The following ZMYM1 variants were observed in gnomAD, a reference collection of about 807,000 sequenced individuals.
ZMYM1 encodes the protein zinc finger MYM-type containing 1, also known as zinc finger MYM-type protein 1.
Under a neutral mutation model 60.0 loss-of-function variants are expected in ZMYM1, and 39 were observed. That is an observed-to-expected ratio of 0.65 (90% CI 0.50 to 0.85). ZMYM1 has a LOEUF of 0.85. Ranked by LOEUF, ZMYM1 falls within the 40% of genes least tolerant of loss-of-function variation. ZMYM1 has a pLI of 0.00. For missense variants in ZMYM1, 1,171 were observed against 1,309.5 expected (o/e 0.89, Z 1.63); for synonymous variants, 413 against 454.0 (o/e 0.91, Z 1.15).
chr1:35,088,724 A>G (rs1454287316), intron 1 of ZMYM1, among the ~76,000 whole-genome samples: 1 of 151,188 alleles, frequency 6.6e-6, no homozygotes, highest in Non-Finnish European at 1.5e-5. Flanking sequence ...ATCTGTCACT[A>G]ATACATGTTT....
chr1:35,094,043 G>A lies in ZMYM1; in HGVS notation c.56G>A (p.Gly19Glu), dbSNP rs373863327. 37 of 1,610,622 alleles carry A rather than the reference G, an allele frequency of 2.3e-5. No homozygotes were observed. The East Asian group carries it at 4.7e-4, about 21-fold the overall frequency. The change falls in exon 2 of 10, where the codon GGG (glycine) becomes GAG (glutamate). Residue 19 changes from glycine to glutamate, a missense_variant. Transcript: ENST00000359858. The stretch of plus-strand genomic sequence containing the variant: ...GACAAGGCAGTGGCATCACAGCTGG[G>A]GCTGCTAGATGAAATTAAGACAGAA... ...ECDKAVASQL[G>E]LLDEIKTEPD... is the part of the protein sequence containing the mutation.
intron 6 of ZMYM1, among the ~76,000 whole-genome samples, chr1:35,109,654 A>G (rs78493352): frequency 5.9e-5 from 9 of 152,208 alleles, no homozygotes; most frequent in African/African-American, 2.2e-4. Flanking sequence ...CCAAGCTACC[A>G]TTGAGGACAG....
Position 35,112,113 on chromosome 1 carries a change from G to A in ZMYM1, c.1129G>A (p.Ala377Thr), listed in dbSNP as rs376515038. 34 of 1,613,392 alleles carry A rather than the reference G, an allele frequency of 2.1e-5. No homozygotes were observed. In the Middle Eastern group the frequency reaches 4.9e-4, roughly 23 times the overall value. The change falls in exon 9 of 10, where the codon GCA becomes ACA. Residue 377 changes from alanine to threonine, a missense_variant. Physicochemically the swap from Ala to Thr is moderately conservative, Grantham distance 58 (BLOSUM62 0). Coordinates refer to ENST00000359858, the MANE Select transcript of ZMYM1 (RefSeq NM_024772.5). ...QDTVSSVTAT[A>T]DVIVDLSKSS... is the part of the protein sequence containing the mutation. ...TACAGTTTCTTCAGTAACAGCAACA[G>A]CAGATGTCATTGTGGATGTAAGTTT... is the stretch of plus-strand genomic sequence containing the variant.
At chr1:35,102,254 G>A (rs1643698952) in intron 4 of ZMYM1, among the ~76,000 whole-genome samples, 1 of 151,882 alleles carries the variant, frequency 6.6e-6, no homozygotes, top group Non-Finnish European at 1.5e-5. Flanking sequence ...AAGGCTAGTT[G>A]CAATGTGGGA....
At chr1:35,087,081 C>T (rs2148498984) in intron 1 of ZMYM1, among the ~76,000 whole-genome samples, 1 of 145,320 alleles carries the variant, frequency 6.9e-6, no homozygotes, top group Admixed American at 7.1e-5. Context: ...CAGCCTCCAT[C>T]TCCCAGGTCA....
intron 1 of ZMYM1, among the ~76,000 whole-genome samples, chr1:35,070,541 T>C (rs760011830): frequency 5.3e-5 from 8 of 152,170 alleles, no homozygotes; most frequent in Non-Finnish European, 1.2e-4. Context: ...AACATTATGC[T>C]GTCTTCAAAC....
Position 35,114,374 on chromosome 1 carries a change from T to C in ZMYM1, c.2544T>C (p.His848=), listed in dbSNP as rs2148577566. 2 of 1,613,110 alleles carry C rather than the reference T, an allele frequency of 1.2e-6. No homozygotes were observed. The highest frequency in any genetic ancestry group is 1.7e-6 in the Non-Finnish European group (2 of 1,179,416). Residue 848 remains histidine, a synonymous_variant, in exon 10 of 10, where the codon CAT becomes CAC. Transcript: ENST00000359858. ...CAAGTTTCGCCGATGAATTGAGTCATTTGCTGACATTGGTTTCCAAATTTG... is the reference window on the plus strand; with the variant it reads ...CAAGTTTCGCCGATGAATTGAGTCACTTGCTGACATTGGTTTCCAAATTTG... ...SNTSFADELS[H]LLTLVSKFEF...
intron 1 of ZMYM1, among the ~76,000 whole-genome samples, chr1:35,088,973 G>A (rs867768131): frequency 9.9e-5 from 15 of 151,628 alleles, no homozygotes; most frequent in Admixed American, 3.3e-4. Context: ...CACCACGCCC[G>A]GCTAATTTTT....
chr1:35,059,875 C>G (rs1028472398), exon 1 of ZMYM1: 3 of 152,146 alleles, frequency 2.0e-5, no homozygotes, highest in African/African-American at 7.2e-5. Flanking sequence ...CAGTGAACAA[C>G]TTGGCTGTCA....
upstream of ZMYM1, among the ~76,000 whole-genome samples, chr1:35,076,343 C>T (rs574423643): frequency 1.6e-4 from 25 of 152,268 alleles, no homozygotes; most frequent in African/African-American, 4.8e-4. Flanking sequence ...AATTTCTGGC[C>T]GGATGTGGTG....
At chr1:35,075,316 G>A (rs1357458204), upstream of ZMYM1, among the ~76,000 whole-genome samples, 1 of 151,806 alleles carries the variant, frequency 6.6e-6, no homozygotes, top group Admixed American at 6.6e-5. Context: ...CAATATGTTG[G>A]GTCTTGCTTT....
At chr1:35,066,714 C>T (rs913038553) in intron 1 of ZMYM1, among the ~76,000 whole-genome samples, 1 of 152,080 alleles carries the variant, frequency 6.6e-6, no homozygotes, top group Non-Finnish European at 1.5e-5. Context: ...AAATTTCACA[C>T]AATCAAAATC....
At chr1:35,095,490 CAAAAAAAAAAGAAAA>C (rs1643259118) in intron 2 of ZMYM1, among the ~76,000 whole-genome samples, 1 of 60,534 alleles carries the variant, frequency 1.7e-5, no homozygotes, top group South Asian at 5.7e-4. Flanking sequence ...GATCTTGTCT[CAAAAAAAAAAGAAAA>C]AAAAAAAAAA....
chr1:35,071,528 C>T (rs976803929), intron 1 of ZMYM1, among the ~76,000 whole-genome samples: 3 of 151,704 alleles, frequency 2.0e-5, no homozygotes, highest in Non-Finnish European at 4.4e-5. Context: ...GAGACAAAGT[C>T]TCAGTATGTT....
intron 1 of ZMYM1, among the ~76,000 whole-genome samples, chr1:35,060,736 CAG>C (rs1641859180): frequency 2.0e-5 from 3 of 152,256 alleles, no homozygotes; most frequent in African/African-American, 7.2e-5. Context: ...CAAGATCAGG[CAG>C]AGTTTCAGGC....
intron 1 of ZMYM1, among the ~76,000 whole-genome samples, chr1:35,085,806 C>T (rs1243195090): frequency 6.6e-6 from 1 of 152,142 alleles, no homozygotes; most frequent in African/African-American, 2.4e-5. Context: ...TTGAAATGTA[C>T]TTGTGGTTGG....
In ZMYM1 at chr1:35,097,536, C is replaced by T; in HGVS notation, c.389C>T (p.Pro130Leu). ...EYISSASSPVPSKRTCSNCSK... is the reference protein window; with the variant it reads ...EYISSASSPVLSKRTCSNCSK... ...ATTTCATCTGCCAGTTCACCAGTTC[C>T]TTCTAAGAGAACTTGTTCAAACTGC... Residue 130 changes from proline to leucine, a missense_variant, in exon 4 of 10, where the codon CCT becomes CTT. Coordinates refer to ENST00000359858, the MANE Select transcript of ZMYM1 (RefSeq NM_024772.5). 1.2e-6 allele frequency: 2 copies of T among 1,614,206 alleles called. No individual in the cohort carries two copies. The highest frequency in any genetic ancestry group is 1.7e-6 in the Non-Finnish European group (2 of 1,180,016).
At chr1:35,091,511 C>A (rs961037275) in intron 1 of ZMYM1, among the ~76,000 whole-genome samples, 2 of 152,038 alleles carry the variant, frequency 1.3e-5, no homozygotes, top group African/African-American at 4.8e-5. Context: ...CTGCCCCGGC[C>A]AAGTGGAGAT....
At chr1:35,096,055 C>G (rs982847824) in intron 3 of ZMYM1, among the ~76,000 whole-genome samples, 164 bp downstream of exon 3, 1 of 152,138 alleles carries the variant, frequency 6.6e-6, no homozygotes, top group Non-Finnish European at 1.5e-5. Context: ...TGGCTCACAC[C>G]TGTAATCCCA....
Sources: allele counts gnomAD v4.1 joint callset (sites outside exome capture counted in the v4.1 genomes callset), GRCh38; gene constraint gnomAD v4.1.1; transcripts MANE v1.5; gene names NCBI Gene and HGNC (gene_info 2026-07-23, HGNC 2026-07-21).